Variants in TNKS observed in about 807,000 individuals in gnomAD.
TNKS encodes the protein poly [ADP-ribose] polymerase tankyrase-1.
TNKS carries 72 observed loss-of-function variants against 135.8 expected under a neutral mutation model. The observed-to-expected ratio is 0.53, with a 90% confidence interval of 0.44 to 0.64. The LOEUF (loss-of-function observed/expected upper bound fraction) is 0.64, where lower values mean the gene tolerates loss of function less well. Among genes scored for constraint, TNKS ranks in the 30% least tolerant of loss-of-function variants. TNKS has a pLI of 0.00. For missense variants in TNKS, 1,769 were observed against 1,674.0 expected (o/e 1.06, Z -0.99); for synonymous variants, 849 against 649.3 (o/e 1.31, Z -4.68).
At chr8:9,764,462 G>T (rs2128835960) in intron 22 of TNKS, among the ~76,000 whole-genome samples, 1 of 152,236 alleles carries the variant, frequency 6.6e-6, no homozygotes. Flanking sequence ...ATGACTTAAT[G>T]TGTTTTTTAA....
chr8:9,708,479 A>T lies in TNKS; in HGVS notation c.1565A>T (p.His522Leu), dbSNP rs1271518925. 6.2e-7 allele frequency: 1 copy of T among 1,604,688 alleles called. No individual in the cohort carries two copies. Among genetic ancestry groups the T allele is most frequent in the Non-Finnish European group, 8.5e-7 (1 of 1,175,474 alleles). ...ATTAATTTCAAACAACCGCAGTCTCATGAAACAGCACTGGTAAGATTTTAT... is the reference window on the plus strand; with the variant it reads ...ATTAATTTCAAACAACCGCAGTCTCTTGAAACAGCACTGGTAAGATTTTAT... ...EIINFKQPQS[H>L]ETALHCAVAS... The change falls in exon 9 of 27, where the codon CAT (histidine) becomes CTT (leucine). Residue 522 changes from histidine (H) to leucine (L), a missense_variant. Transcript: ENST00000310430.
intron 3 of TNKS, among the ~76,000 whole-genome samples, chr8:9,617,984 G>GT (rs33956228): frequency 0.011 from 1,050 of 93,976 alleles, 14 homozygotes; most frequent in East Asian, 0.04. Flanking sequence ...CTCTTTTTTG[G>GT]TTTTTTTTTT....
chr8:9,748,126 A>G lies in TNKS; in HGVS notation c.2746A>G (p.Thr916Ala). 6.2e-7 allele frequency: 1 copy of G among 1,614,216 alleles called. No homozygotes were observed. Among genetic ancestry groups the G allele is most frequent in the East Asian group, 2.2e-5 (1 of 44,886 alleles). The stretch of plus-strand genomic sequence containing the variant: ...CCATGAAGCAGCCCAGAAAGGAAGG[A>G]CGCAGCTGTGCGCCCTCCTCCTAGC... The part of the protein sequence containing the change: ...PLHEAAQKGR[T>A]QLCALLLAHG... Residue 916 changes from threonine (T) to alanine (A), a missense_variant, in exon 18 of 27, where the codon ACG becomes GCG. By Grantham distance (58) the Thr-to-Ala change is moderately conservative. Around this residue, in one of 5 missense-constraint regions of TNKS, gnomAD observed 722 missense variants for 688.9 expected, o/e 1.05. Coordinates refer to ENST00000310430, the MANE Select transcript of TNKS (RefSeq NM_003747.3).
rs1554476739 is a variant in TNKS, at chr8:9,717,103, T to TATATATATATATATA, written c.1750-3271_1750-3270insATATATATATATATA. Among the ~76,000 whole-genome samples the TATATATATATATATA allele has an allele frequency of 4.6e-3, 179 of 39,236 alleles. 2 individuals are homozygous for TATATATATATATATA. The highest frequency in any genetic ancestry group is 0.013 in the South Asian group (15 of 1,196). The allele number at this position is 39,236 out of a possible 152,430, so 25.7% of individuals were successfully genotyped here. On this transcript the variant is annotated intron_variant, in intron 11 of 26. Coordinates refer to ENST00000310430, the MANE Select transcript of TNKS (RefSeq NM_003747.3). Reference sequence around the variant, plus strand: ...TATATATATATATATATATATATATTTTCAGGGAATTTGATTGTTTCTTTT... The same window carrying TATATATATATATATA: ...TATATATATATATATATATATATATTATATATATATATATATTCAGGGAATTTGATTGTTTCTTTT...
chr8:9,633,859 TTGAGA>T (rs1429770654), intron 3 of TNKS, among the ~76,000 whole-genome samples: 1 of 152,130 alleles, frequency 6.6e-6, no homozygotes, highest in African/African-American at 2.4e-5. Flanking sequence ...CATTTAAGCC[TTGAGA>T]TGAGATATGA....
chr8:9,580,477 A>G (rs1563400853), intron 2 of TNKS, 94 bp downstream of exon 2: 5 of 1,121,114 alleles, frequency 4.5e-6, no homozygotes, highest in East Asian at 2.5e-5. Context: ...TAGGTAAGGA[A>G]GGGTTTATTG....
intron 1 of TNKS, among the ~76,000 whole-genome samples, chr8:9,567,571 A>G (rs989312998): frequency 1.6e-4 from 24 of 152,024 alleles, no homozygotes; most frequent in East Asian, 3.9e-4. Context: ...GCCCGCCACC[A>G]CGCCCGGCTA....
At chr8:9,652,719 G>T (rs1468007739) in intron 3 of TNKS, among the ~76,000 whole-genome samples, 3 of 152,186 alleles carry the variant, frequency 2.0e-5, no homozygotes, top group South Asian at 2.1e-4. Flanking sequence ...AATACTTTAA[G>T]ATTTGAATCA....
At chr8:9,651,312 T>G (rs1447165694) in intron 3 of TNKS, among the ~76,000 whole-genome samples, 1 of 152,214 alleles carries the variant, frequency 6.6e-6, no homozygotes, top group Non-Finnish European at 1.5e-5. Context: ...TCAACCAGCA[T>G]AATAACTTTT....
intron 2 of TNKS, among the ~76,000 whole-genome samples, chr8:9,581,470 C>A (rs1798164267): frequency 6.6e-6 from 1 of 152,156 alleles, no homozygotes; most frequent in Non-Finnish European, 1.5e-5. Flanking sequence ...ACATCCTGGA[C>A]CAAGTCATTA....
intron 12 of TNKS, among the ~76,000 whole-genome samples, chr8:9,723,680 T>C (rs1421142876): frequency 6.6e-6 from 1 of 152,216 alleles, no homozygotes; most frequent in Non-Finnish European, 1.5e-5. Flanking sequence ...TTTAAACTAA[T>C]TAAAATTAAA....
chr8:9,667,840 T>G (rs1334486235), intron 3 of TNKS, among the ~76,000 whole-genome samples: 8 of 14,226 alleles, frequency 5.6e-4, no homozygotes, highest in East Asian at 3.3e-3. Context: ...CCCTTCTGGG[T>G]TTTTTTTTTT....
chr8:9,759,529 G>T (rs1807031547), intron 20 of TNKS, among the ~76,000 whole-genome samples: 1 of 152,036 alleles, frequency 6.6e-6, no homozygotes, highest in African/African-American at 2.4e-5. Flanking sequence ...TTTGGTTTGG[G>T]TTTTTTGTAT....
intron 2 of TNKS, among the ~76,000 whole-genome samples, chr8:9,585,272 C>A (rs994483725): frequency 6.6e-6 from 1 of 151,348 alleles, no homozygotes; most frequent in South Asian, 2.1e-4. Flanking sequence ...ACATGGAAAT[C>A]ATGACGAAAA....
chr8:9,763,453 G>A (rs965056343), intron 22 of TNKS, among the ~76,000 whole-genome samples: 3 of 152,044 alleles, frequency 2.0e-5, no homozygotes, highest in African/African-American at 7.2e-5. Flanking sequence ...TAATGCATGG[G>A]GCCCATCTGT....
chr8:9,647,014 T>A (rs1029920704), intron 3 of TNKS, among the ~76,000 whole-genome samples: 3 of 152,176 alleles, frequency 2.0e-5, no homozygotes, highest in African/African-American at 7.2e-5. Context: ...AACTAAAACG[T>A]GGATCAGATT....
At chr8:9,756,846 C>G (rs1026138506) in intron 20 of TNKS, among the ~76,000 whole-genome samples, 1 of 152,156 alleles carries the variant, frequency 6.6e-6, no homozygotes, top group Non-Finnish European at 1.5e-5. Context: ...TTCCCAGTTG[C>G]CTTCCCTTCC....
intron 2 of TNKS, among the ~76,000 whole-genome samples, chr8:9,593,856 C>T (rs897194527): frequency 6.7e-6 from 1 of 149,198 alleles, no homozygotes; most frequent in Admixed American, 6.7e-5. Flanking sequence ...ACATTCTTAT[C>T]CCTTGATATT....
At chr8:9,668,713 T>C (rs1802122038) in intron 3 of TNKS, among the ~76,000 whole-genome samples, 1 of 152,154 alleles carries the variant, frequency 6.6e-6, no homozygotes, top group Non-Finnish European at 1.5e-5. Context: ...GTGCAAATGA[T>C]TGGAGCTTAG....
Sources: gnomAD v4.1 joint callset for allele counts (sites outside exome capture counted in the v4.1 genomes callset) on GRCh38, gnomAD v4.1.1 for gene constraint, gnomAD v4.1.1 regional missense constraint, MANE v1.5 for transcripts, NCBI Gene and HGNC (gene_info 2026-07-23, HGNC 2026-07-21) for gene names.